The following FTCDNL1 variants were observed in gnomAD, a reference collection of about 807,000 sequenced individuals.
FTCDNL1 encodes formiminotransferase N-terminal subdomain-containing protein.
Under a neutral mutation model 5.9 loss-of-function variants are expected in FTCDNL1, and 11 were observed. The ratio of observed to expected loss-of-function variants is 1.87; its 90% confidence interval spans 1.18 to 3.10. The LOEUF is 3.10. FTCDNL1 is among the 30% of genes most tolerant of loss of function. FTCDNL1 has a pLI of 0.00. For missense variants in FTCDNL1, 115 were observed against 65.5 expected (o/e 1.76, Z -2.61); for synonymous variants, 58 against 24.8 (o/e 2.34, Z -3.99).
chr2:199,792,030 A>G (rs1337018749), intron 3 of FTCDNL1, among the ~76,000 whole-genome samples: 3 of 152,138 alleles, frequency 2.0e-5, no homozygotes, highest in Non-Finnish European at 2.9e-5. Flanking sequence ...TAGCATATTT[A>G]CCACTATGAA....
intron 3 of FTCDNL1, among the ~76,000 whole-genome samples, chr2:199,795,635 A>C (rs1700136692): frequency 6.6e-6 from 1 of 151,384 alleles, no homozygotes; most frequent in Non-Finnish European, 1.5e-5. Context: ...ATATTTATTA[A>C]ATAAGTAATT....
At chr2:199,834,870 C>G (rs986144369) in intron 3 of FTCDNL1, among the ~76,000 whole-genome samples, 1 of 152,186 alleles carries the variant, frequency 6.6e-6, no homozygotes, top group African/African-American at 2.4e-5. Flanking sequence ...CCCAAAGCCT[C>G]TGCTTTCGAT....
chr2:199,695,067 C>G, the FTCDNL1 span, among the ~76,000 whole-genome samples: 1 of 152,192 alleles, frequency 6.6e-6, no homozygotes. Flanking sequence ...CAGCACTGGC[C>G]CAGAATGCAC....
At chr2:199,785,249 C>T (rs868584664) in intron 3 of FTCDNL1, among the ~76,000 whole-genome samples, 5 of 76,862 alleles carry the variant, frequency 6.5e-5, no homozygotes, top group East Asian at 4.6e-4. Flanking sequence ...TTCCAAATTC[C>T]TTTTTTTTTT....
the FTCDNL1 span, among the ~76,000 whole-genome samples, chr2:199,728,325 G>GCA: frequency 2.0e-5 from 3 of 151,340 alleles, no homozygotes; most frequent in African/African-American, 7.3e-5. Context: ...TTGGCTCACT[G>GCA]CAACCTCTGC....
chr2:199,834,505 C>G (rs1243312359), intron 3 of FTCDNL1, among the ~76,000 whole-genome samples: 4 of 152,158 alleles, frequency 2.6e-5, no homozygotes. Context: ...GCAGGAAACA[C>G]ACATTACAGG....
chr2:199,794,351 T>C (rs1156684610), intron 3 of FTCDNL1, among the ~76,000 whole-genome samples: 4 of 152,318 alleles, frequency 2.6e-5, no homozygotes, highest in African/African-American at 9.6e-5. Flanking sequence ...TATTTCTCAC[T>C]TGAAGGAATA....
At chr2:199,756,846 G>A (rs1429736148), downstream of FTCDNL1, among the ~76,000 whole-genome samples, 4 of 152,146 alleles carry the variant, frequency 2.6e-5, no homozygotes, top group East Asian at 3.9e-4. Context: ...CAGACTGATG[G>A]AGCAGTCTCC....
At chr2:199,731,660 G>A in the FTCDNL1 span, among the ~76,000 whole-genome samples, 1 of 152,144 alleles carries the variant, frequency 6.6e-6, no homozygotes, top group Non-Finnish European at 1.5e-5. Flanking sequence ...AGGCCGAGGC[G>A]GGCGGATCAC....
At chr2:199,665,459 C>T in the FTCDNL1 span, among the ~76,000 whole-genome samples, 4 of 151,812 alleles carry the variant, frequency 2.6e-5, no homozygotes, top group Non-Finnish European at 4.4e-5. Context: ...TGGTGAAACC[C>T]CGTCTCTACT....
chr2:199,819,544 A>G (rs1237869875), intron 4 of FTCDNL1, 28 bp downstream of exon 4: 1 of 676,834 alleles, frequency 1.5e-6, no homozygotes, highest in Non-Finnish European at 2.6e-6. Flanking sequence ...AAAAAAAAAC[A>G]GAGCAAAGCA....
chr2:199,788,368 A>G (rs1471525548), intron 3 of FTCDNL1, among the ~76,000 whole-genome samples: 1 of 152,226 alleles, frequency 6.6e-6, no homozygotes, highest in Non-Finnish European at 1.5e-5. Context: ...TTAGCACAGC[A>G]TATTCTATGA....
intron 3 of FTCDNL1, among the ~76,000 whole-genome samples, 151 bp from the exon 4 acceptor site, chr2:199,819,908 T>TTGCACA: frequency 6.6e-6 from 1 of 152,204 alleles, no homozygotes; most frequent in Non-Finnish European, 1.5e-5. Context: ...TGGCATGAAG[T>TTGCACA]TGCACACTGT....
the FTCDNL1 span, among the ~76,000 whole-genome samples, chr2:199,707,186 G>A: frequency 6.6e-6 from 1 of 152,200 alleles, no homozygotes; most frequent in Non-Finnish European, 1.5e-5. Context: ...ACTTGGCCAT[G>A]GGGCATAGAG....
At chr2:199,850,697 C>T (rs933712085) in intron 1 of FTCDNL1, 43 bp downstream of exon 1, 2 of 152,336 alleles carry the variant, frequency 1.3e-5, no homozygotes, top group African/African-American at 2.4e-5. Flanking sequence ...CCTCCCCACC[C>T]GCGGAGAACC....
chr2:199,707,234 A>T, the FTCDNL1 span, among the ~76,000 whole-genome samples: 7 of 152,236 alleles, frequency 4.6e-5, no homozygotes, highest in East Asian at 1.3e-3. Flanking sequence ...TTCTGAAAGA[A>T]TTTATATGTT....
At chr2:199,746,736 A>G in the FTCDNL1 span, among the ~76,000 whole-genome samples, 2 of 151,986 alleles carry the variant, frequency 1.3e-5, no homozygotes, top group South Asian at 4.2e-4. Context: ...ACCGAGAATC[A>G]CAAGCAGATG....
downstream of FTCDNL1, among the ~76,000 whole-genome samples, chr2:199,756,130 A>G (rs1163313316): frequency 6.6e-6 from 1 of 152,244 alleles, no homozygotes; most frequent in Admixed American, 6.5e-5. Flanking sequence ...TTCTTTAAAT[A>G]TGCATTTCAT....
chr2:199,795,590 T>C (rs1439173950), intron 3 of FTCDNL1, among the ~76,000 whole-genome samples: 1 of 152,220 alleles, frequency 6.6e-6, no homozygotes, highest in Non-Finnish European at 1.5e-5. Context: ...CAGCTCTGTT[T>C]CTTATAACCT....
Sources: allele counts gnomAD v4.1 joint callset (sites outside exome capture counted in the v4.1 genomes callset), GRCh38; gene constraint gnomAD v4.1.1; transcripts MANE v1.5; gene names NCBI Gene and HGNC (gene_info 2026-07-23, HGNC 2026-07-21).